VPS45: variants seen among roughly 807,000 people sequenced by gnomAD.
The protein encoded by VPS45 is vacuolar protein sorting-associated protein 45.
Under a neutral mutation model 75.9 loss-of-function variants are expected in VPS45, and 35 were observed. The ratio of observed to expected loss-of-function variants is 0.46; its 90% confidence interval spans 0.35 to 0.61. VPS45 has a LOEUF of 0.61. Ranked by LOEUF, VPS45 falls within the 20% of genes least tolerant of loss-of-function variation. The probability of loss-of-function intolerance (pLI) is 0.00; values close to 1 mark genes in which losing one functional copy is unlikely to be tolerated. For missense variants in VPS45, 559 were observed against 685.9 expected, an observed-to-expected ratio of 0.81 and a Z score of 2.07; for synonymous variants, 220 against 238.2, an observed-to-expected ratio of 0.92 and a Z score of 0.70.
rs782110583 is a variant in VPS45 at position 150,093,677 on chromosome 1, AG to A, written c.1493+30del. 1.9e-6 allele frequency: 3 copies of A among 1,600,324 alleles called. No homozygotes were observed. The South Asian group carries it at 3.4e-5, about 18-fold the overall frequency. On this transcript the variant is annotated intron_variant, in intron 13 of 14. Coordinates refer to ENST00000644510, the MANE Select transcript of VPS45 (RefSeq NM_007259.5). ...AGCTAACAAAGATATTAATAATAAAAGCCAGAAATACTGAACAAACAGAAAA... is the reference window on the plus strand; with the variant it reads ...AGCTAACAAAGATATTAATAATAAAACCAGAAATACTGAACAAACAGAAAA...
chr1:150,114,583 A>AAC (rs1423872301), intron 14 of VPS45, among the ~76,000 whole-genome samples: 1 of 1,258 alleles, frequency 7.9e-4, no homozygotes, highest in Non-Finnish European at 1.4e-3. Flanking sequence ...TGTTTCTAAA[A>AAC]AAAAAAAAAA....
In VPS45 at chr1:150,145,066, A is replaced by C. The variant is rs1405402968; in HGVS notation, c.*270A>C. On this transcript the variant is annotated 3_prime_UTR_variant, in exon 15 of 15. Coordinates refer to ENST00000644510, the MANE Select transcript of VPS45 (RefSeq NM_007259.5). ...TCAGTTACTGATGAATTTTGTTGGG[A>C]TCTGACTTGGGGAAAGGGTTATCAG... The C allele has an allele frequency of 1.2e-6, 1 of 845,794 alleles. No individual in the cohort carries two copies. The highest frequency in any genetic ancestry group is 1.7e-5 in the African/African-American group (1 of 58,578). 52.4% of individuals were successfully genotyped at this position (845,794 alleles called of 1,614,324 possible).
At chr1:150,089,693 C>T (rs1167035329) in intron 10 of VPS45, among the ~76,000 whole-genome samples, 5 of 152,020 alleles carry the variant, frequency 3.3e-5, no homozygotes, top group African/African-American at 7.2e-5. Flanking sequence ...TTTAAACTTA[C>T]GCTGTTGATT....
At chr1:150,131,787 A>G (rs1658853820) in intron 14 of VPS45, among the ~76,000 whole-genome samples, 1 of 152,088 alleles carries the variant, frequency 6.6e-6, no homozygotes, top group Non-Finnish European at 1.5e-5. Flanking sequence ...TAAAGGTTAC[A>G]GTGAGCTATG....
At chr1:150,109,897 G>GA (rs1192910733) in intron 13 of VPS45, 1 of 152,002 alleles carries the variant, frequency 6.6e-6, no homozygotes, top group Non-Finnish European at 1.5e-5. Context: ...AAAGGATTCA[G>GA]AAAAAAGATT....
At chr1:150,068,799 A>G (rs782090800) in intron 2 of VPS45, 35 bp downstream of exon 2, 2 of 1,547,412 alleles carry the variant, frequency 1.3e-6, no homozygotes, top group Middle Eastern at 3.5e-4. Flanking sequence ...CTGCCCAGGC[A>G]GATGCAGAAC....
chr1:150,088,749 G>A (rs1281825855), intron 10 of VPS45, among the ~76,000 whole-genome samples: 1 of 151,940 alleles, frequency 6.6e-6, no homozygotes, highest in African/African-American at 2.4e-5. Flanking sequence ...AAAGTGCTGG[G>A]ATTATAGACC....
intron 13 of VPS45, among the ~76,000 whole-genome samples, chr1:150,103,869 A>G (rs1657175712): frequency 6.6e-6 from 1 of 152,188 alleles, no homozygotes; most frequent in Non-Finnish European, 1.5e-5. Flanking sequence ...GATTCTTCCC[A>G]TTAGTCACCA....
chr1:150,068,506 T>A (rs2101475834), intron 1 of VPS45, 124 bp from the exon 2 acceptor site: 1 of 868,584 alleles, frequency 1.2e-6, no homozygotes, highest in African/African-American at 1.7e-5. Flanking sequence ...GTTCAGTAAA[T>A]GTTTTCCGTA....
intron 10 of VPS45, among the ~76,000 whole-genome samples, chr1:150,088,306 A>G (rs1327291299): frequency 1.3e-5 from 2 of 151,734 alleles, no homozygotes; most frequent in Admixed American, 6.6e-5. Flanking sequence ...TTTAGATTCC[A>G]CATATGAGTA....
At chr1:150,067,560 G>GC, upstream of VPS45, 2 of 392,330 alleles carry the variant, frequency 5.1e-6, no homozygotes, top group Non-Finnish European at 9.2e-6. Flanking sequence ...GCACCAAAGG[G>GC]CAATAGGGGT....
In VPS45 at chr1:150,083,020, T is replaced by C. The variant is rs1293526832; in HGVS notation, c.1104+137T>C. ...GAGCTGACATGAGAACACAAATTAA[T>C]ATTATTTAAGATAGATCTATAAAAA... On this transcript the variant is annotated intron_variant, in intron 10 of 14. Transcript: ENST00000644510. 1.4e-5 allele frequency: 12 copies of C among 869,310 alleles called. No individual in the cohort carries two copies. The Admixed American group carries it at 3.7e-4, about 27-fold the overall frequency. The allele number at this position is 869,310 out of a possible 1,614,324, so 53.8% of individuals were successfully genotyped here.
In VPS45 at chr1:150,123,398, G is replaced by A. The variant is rs1658339709; in HGVS notation, c.1625+12771G>A. Reference sequence around the variant, plus strand: ...GCCATGACACCTGACTTACGTTTTAGGAGGATCTATCAAAGCAATGTGAAT... The same window carrying A: ...GCCATGACACCTGACTTACGTTTTAAGAGGATCTATCAAAGCAATGTGAAT... On this transcript the variant is annotated intron_variant, in intron 14 of 14. Transcript: ENST00000644510. Among the ~76,000 whole-genome samples the A allele has an allele frequency of 2.0e-5, 3 of 152,260 alleles. No homozygotes were observed. In the South Asian group the frequency reaches 6.2e-4, roughly 32 times the overall value.
intron 14 of VPS45, among the ~76,000 whole-genome samples, chr1:150,135,468 G>A (rs1553813379): frequency 6.6e-6 from 1 of 152,044 alleles, no homozygotes; most frequent in Non-Finnish European, 1.5e-5. Context: ...GTTTCACCAA[G>A]TTGGCCAGGC....
chr1:150,131,663 C>CT (rs35766167), intron 14 of VPS45, among the ~76,000 whole-genome samples: 8,761 of 109,930 alleles, frequency 0.08, 925 homozygotes, highest in African/African-American at 0.26. Flanking sequence ...AGCCCAGACT[C>CT]TTTTTTTGTC....
rs142535088 is a variant in VPS45 at position 150,097,405 on chromosome 1, A to G, written c.1493+3757A>G. On this transcript the variant is annotated intron_variant, in intron 13 of 14. Coordinates refer to ENST00000644510, the MANE Select transcript of VPS45 (RefSeq NM_007259.5). ...CAGGCATGAGCCACTGTGCCCAGCC[A>G]TAACATTTCTTTCAGGTAAAAAAAC... Among the ~76,000 whole-genome samples, 650 of 149,974 alleles carry G rather than the reference A, an allele frequency of 4.3e-3. 4 individuals are homozygous for G. The highest frequency in any genetic ancestry group is 0.015 in the African/African-American group (614 of 41,062).
chr1:150,128,154 T>A (rs1439866600), intron 14 of VPS45, among the ~76,000 whole-genome samples: 3 of 151,742 alleles, frequency 2.0e-5, no homozygotes, highest in African/African-American at 7.3e-5. Flanking sequence ...TACAAAAAAA[T>A]AGCTGGGCGT....
At chr1:150,116,404 A>G (rs1302098231) in intron 14 of VPS45, among the ~76,000 whole-genome samples, 3 of 152,238 alleles carry the variant, frequency 2.0e-5, no homozygotes, top group African/African-American at 7.2e-5. Flanking sequence ...CTGTACTGAA[A>G]GTACTTTAAA....
chr1:150,103,647 C>T (rs1372616956), intron 13 of VPS45, among the ~76,000 whole-genome samples: 2 of 152,194 alleles, frequency 1.3e-5, no homozygotes, highest in African/African-American at 4.8e-5. Flanking sequence ...ACAGTGTTCT[C>T]TTACTATGCT....
Sources: allele counts gnomAD v4.1 joint callset (sites outside exome capture counted in the v4.1 genomes callset), GRCh38; gene constraint gnomAD v4.1.1; transcripts MANE v1.5; gene names NCBI Gene and HGNC (gene_info 2026-07-23, HGNC 2026-07-21).